DCC: variants seen among roughly 807,000 people sequenced by gnomAD.
DCC encodes DCC netrin 1 receptor, also known as netrin receptor DCC.
A neutral mutation model predicts 172.5 loss-of-function variants in DCC; 58 were observed. That is an observed-to-expected ratio of 0.34 (90% CI 0.27 to 0.42). The LOEUF is 0.42. Ranked by LOEUF, DCC falls within the 10% of genes least tolerant of loss-of-function variation. The pLI is 1.00. For synonymous variants in DCC, 709 were observed against 644.5 expected (o/e 1.10, Z -1.52); for missense variants, 1,740 against 1,791.0 (o/e 0.97, Z 0.51).
In DCC at chr18:53,514,613, G is replaced by T. The variant is rs557527000; in HGVS notation, c.4112-12004G>T. Among the ~76,000 whole-genome samples, 774 of 152,022 alleles carry T rather than the reference G, an allele frequency of 5.1e-3. 7 individuals are homozygous for T. The highest frequency in any genetic ancestry group is 0.024 in the Middle Eastern group (7 of 294). ...TAGACACAATAAAAAATGATAAGGGGGATATCACCACTGATCCCACAGAAA... is the reference window on the plus strand; with the variant it reads ...TAGACACAATAAAAAATGATAAGGGTGATATCACCACTGATCCCACAGAAA... On this transcript the variant is annotated intron_variant, in intron 27 of 28. Coordinates refer to ENST00000442544, the MANE Select transcript of DCC (RefSeq NM_005215.4).
At chr18:53,112,393 A>G (rs1280561742) in intron 7 of DCC, among the ~76,000 whole-genome samples, 1 of 151,544 alleles carries the variant, frequency 6.6e-6, no homozygotes. Flanking sequence ...GAAAGGTTCT[A>G]TTGTACAGTT....
intron 12 of DCC, among the ~76,000 whole-genome samples, chr18:53,270,541 A>G (rs573675577): frequency 4.6e-5 from 7 of 152,266 alleles, no homozygotes; most frequent in East Asian, 1.9e-4. Context: ...ACAAATGTCA[A>G]TTTGCTTCCT....
At chr18:53,068,267 T>TTTA (rs939248876) in intron 7 of DCC, among the ~76,000 whole-genome samples, 3 of 152,054 alleles carry the variant, frequency 2.0e-5, no homozygotes, top group African/African-American at 7.3e-5. Context: ...TTCTTTTAAT[T>TTTA]TTATTATTAT....
chr18:53,228,785 T>TA (rs1230967289), intron 12 of DCC, among the ~76,000 whole-genome samples: 1 of 152,154 alleles, frequency 6.6e-6, no homozygotes, highest in African/African-American at 2.4e-5. Flanking sequence ...TTAAGGAACA[T>TA]AACAATACCT....
chr18:53,440,866 C>T (rs1407495211), intron 22 of DCC, among the ~76,000 whole-genome samples: 4 of 152,294 alleles, frequency 2.6e-5, no homozygotes, highest in African/African-American at 9.6e-5. Context: ...TGTGACAAAT[C>T]AAGTCACTTA....
intron 1 of DCC, among the ~76,000 whole-genome samples, chr18:52,599,127 G>C (rs2033966405): frequency 6.6e-6 from 1 of 152,116 alleles, no homozygotes; most frequent in Admixed American, 6.6e-5. Context: ...AGGGTGATTA[G>C]GGCATTAGAG....
At chr18:53,266,333 G>C (rs531948616) in intron 12 of DCC, among the ~76,000 whole-genome samples, 10 of 152,196 alleles carry the variant, frequency 6.6e-5, no homozygotes, top group Non-Finnish European at 1.2e-4. Context: ...AAAGACAGCA[G>C]TTGGAACAAC....
intron 7 of DCC, among the ~76,000 whole-genome samples, chr18:53,154,199 C>T (rs550387038): frequency 6.6e-6 from 1 of 152,226 alleles, no homozygotes; most frequent in East Asian, 1.9e-4. Flanking sequence ...TGTACTGACT[C>T]CCAGAGTCCC....
chr18:52,892,271 C>T (rs2039662423), intron 2 of DCC: 1 of 152,100 alleles, frequency 6.6e-6, no homozygotes, highest in East Asian at 1.9e-4. Flanking sequence ...TACCCTGACA[C>T]TTGAGGTTTA....
chr18:52,565,750 T>C (rs976507113), intron 1 of DCC, among the ~76,000 whole-genome samples: 3 of 152,232 alleles, frequency 2.0e-5, no homozygotes, highest in African/African-American at 4.8e-5. Context: ...CTTTGTCAGA[T>C]GGATAGATTG....
At chr18:52,741,548 A>G (rs547716400) in intron 1 of DCC, among the ~76,000 whole-genome samples, 2 of 152,198 alleles carry the variant, frequency 1.3e-5, no homozygotes, top group South Asian at 2.1e-4. Context: ...AGACATCGCC[A>G]GAAATTTCCT....
chr18:53,419,985 C>A (rs1910543882), intron 21 of DCC, among the ~76,000 whole-genome samples: 1 of 152,094 alleles, frequency 6.6e-6, no homozygotes, highest in Non-Finnish European at 1.5e-5. Context: ...TCCTGAGTAA[C>A]TGGGATTACA....
At chr18:52,992,969 A>T (rs2041417941) in intron 5 of DCC, among the ~76,000 whole-genome samples, 1 of 147,290 alleles carries the variant, frequency 6.8e-6, no homozygotes, top group South Asian at 2.2e-4. Context: ...ACACAGTGAG[A>T]CTCTGTCTCA....
rs563531139 is a variant in DCC, at chr18:52,902,935, G to A, written c.413-3109G>A. ...ATTGTTAACTTTTAAACAGGATGCA[G>A]TTCTGGCCCTGGCTTGTTAAGATCT... is the stretch of plus-strand genomic sequence containing the variant. On this transcript the variant is annotated intron_variant, in intron 2 of 28. Transcript: ENST00000442544. Among the ~76,000 whole-genome samples the A allele has an allele frequency of 3.9e-5, 6 of 152,276 alleles. No homozygotes were observed. In the South Asian group the frequency reaches 8.3e-4, roughly 21 times the overall value.
chr18:52,907,193 A>C (rs1288216093), intron 3 of DCC, among the ~76,000 whole-genome samples: 1 of 148,238 alleles, frequency 6.7e-6, no homozygotes, highest in East Asian at 1.9e-4. Flanking sequence ...TATGTATTAT[A>C]TATATACCCT....
intron 5 of DCC, among the ~76,000 whole-genome samples, chr18:52,932,266 T>C (rs186407250): frequency 5.9e-5 from 9 of 152,252 alleles, no homozygotes; most frequent in East Asian, 1.9e-4. Context: ...TGTGAACATA[T>C]CCTTTTCTGT....
intron 1 of DCC, among the ~76,000 whole-genome samples, chr18:52,519,235 C>A (rs2031734591): frequency 1.3e-5 from 2 of 152,132 alleles, no homozygotes; most frequent in Admixed American, 1.3e-4. Flanking sequence ...CAGTTTACAG[C>A]TTTCCTAGGT....
At chr18:53,151,096 G>GT (rs1353203477) in intron 7 of DCC, among the ~76,000 whole-genome samples, 2 of 152,190 alleles carry the variant, frequency 1.3e-5, no homozygotes, top group Non-Finnish European at 2.9e-5. Flanking sequence ...CTTGCACAAA[G>GT]TATGTCTTCA....
chr18:53,275,391 TC>T (rs1406824403), intron 12 of DCC, among the ~76,000 whole-genome samples: 1 of 152,070 alleles, frequency 6.6e-6, no homozygotes, highest in Admixed American at 6.6e-5. Flanking sequence ...TTTGGAAAAC[TC>T]AGTCAAATAT....
Sources: allele counts gnomAD v4.1 joint callset (sites outside exome capture counted in the v4.1 genomes callset), GRCh38; gene constraint gnomAD v4.1.1; transcripts MANE v1.5; gene names NCBI Gene and HGNC (gene_info 2026-07-23, HGNC 2026-07-21).